The following OTUD4 variants were observed in gnomAD, a reference collection of about 807,000 sequenced individuals.
OTUD4 encodes the protein OTU domain-containing protein 4.
OTUD4 carries 24 observed loss-of-function variants against 130.4 expected under a neutral mutation model. That is an observed-to-expected ratio of 0.18 (90% CI 0.13 to 0.26). The LOEUF is 0.26. Among genes scored for constraint, OTUD4 ranks in the 10% least tolerant of loss-of-function variants. OTUD4 has a pLI of 1.00. For missense variants in OTUD4, 1,031 were observed against 1,329.4 expected (o/e 0.78, Z 3.49); for synonymous variants, 420 against 472.5 (o/e 0.89, Z 1.44).
chr4:145,178,614 G>A (rs1752539020), intron 1 of OTUD4: 1 of 152,182 alleles, frequency 6.6e-6, no homozygotes, highest in Non-Finnish European at 1.5e-5. Flanking sequence ...GGAGCTTTTG[G>A]AAGAATTTTT....
At chr4:145,151,815 C>A (rs36226192) in intron 11 of OTUD4, among the ~76,000 whole-genome samples, 1,837 of 152,150 alleles carry the variant, frequency 0.012, 51 homozygotes, top group African/African-American at 0.041. Context: ...CTAATAAAGC[C>A]CAGCGGCAAC....
In OTUD4 at chr4:145,136,414, C is replaced by G. The variant is rs1324492411; in HGVS notation, c.*1016G>C. The G allele has an allele frequency of 8.1e-6, 1 of 124,026 alleles. No individual in the cohort carries two copies. Among genetic ancestry groups the G allele is most frequent in the Non-Finnish European group, 1.6e-5 (1 of 64,174 alleles). The allele number at this position is 124,026 out of a possible 1,614,324, so 7.7% of individuals were successfully genotyped here. A position where few individuals can be genotyped will look rare whatever the true frequency, so the allele number is the denominator to read the frequency against. ...TTCTATACAATAGTTCCAGCCCTGA[C>G]AAGTAGAACATGCAAGTGTAAAGTG... On this transcript the variant is annotated 3_prime_UTR_variant, in exon 21 of 21. Coordinates refer to ENST00000447906, the MANE Select transcript of OTUD4 (RefSeq NM_001366057.1).
In OTUD4 at chr4:145,137,491, G is replaced by A. The variant is rs750699502; in HGVS notation, c.3284C>T (p.Pro1095Leu). The change falls in exon 21 of 21, where the codon CCA becomes CTA. Residue 1095 changes from proline (P) to leucine (L), a missense_variant. Physicochemically the swap from Pro to Leu is moderately conservative, Grantham distance 98 (BLOSUM62 -3). Around this residue, in one of 3 missense-constraint regions of OTUD4, gnomAD observed 900 missense variants for 1,095.9 expected, o/e 0.82. Coordinates refer to ENST00000447906, the MANE Select transcript of OTUD4 (RefSeq NM_001366057.1). ...YQYHRNVRGR[P>L]FRGDRRRSGM... Reference sequence around the variant, plus strand: ...TGATCTCCTCCTATCTCCCCTAAATGGTCGCCCTCTGACATTTCGATGGTA... The same window carrying A: ...TGATCTCCTCCTATCTCCCCTAAATAGTCGCCCTCTGACATTTCGATGGTA... The A allele has an allele frequency of 5.6e-6, 9 of 1,612,342 alleles. No individual in the cohort carries two copies. Among genetic ancestry groups the A allele is most frequent in the Non-Finnish European group, 2.5e-6 (3 of 1,178,884 alleles).
intron 6 of OTUD4, among the ~76,000 whole-genome samples, chr4:145,161,733 C>T (rs548526053): frequency 6.6e-6 from 1 of 152,326 alleles, no homozygotes; most frequent in African/African-American, 2.4e-5. Context: ...AGAGAGCCTA[C>T]AACAGAGGAG....
intron 2 of OTUD4, 128 bp from the exon 3 acceptor site, chr4:145,171,848 T>C: frequency 1.5e-6 from 1 of 645,778 alleles, no homozygotes; most frequent in Non-Finnish European, 2.8e-6. Flanking sequence ...TCAGTATTAT[T>C]TAAAAATATG....
intron 13 of OTUD4, among the ~76,000 whole-genome samples, chr4:145,147,367 G>T (rs544547686): frequency 6.6e-6 from 1 of 151,982 alleles, no homozygotes; most frequent in South Asian, 2.1e-4. Context: ...GATGAAAAAA[G>T]GGAGGGATAG....
chr4:145,139,075 A>G (rs1750433626), intron 20 of OTUD4, among the ~76,000 whole-genome samples: 2 of 152,198 alleles, frequency 1.3e-5, no homozygotes, highest in South Asian at 4.1e-4. Flanking sequence ...GGAGCCCCCA[A>G]GAGTACTCCG....
At chr4:145,177,734 TA>T (rs1174660950) in intron 1 of OTUD4, among the ~76,000 whole-genome samples, 1 of 152,230 alleles carries the variant, frequency 6.6e-6, no homozygotes, top group Non-Finnish European at 1.5e-5. Flanking sequence ...ATGGCCTATC[TA>T]AATCAGATAA....
intron 3 of OTUD4, among the ~76,000 whole-genome samples, chr4:145,167,833 G>C (rs906379103): frequency 1.6e-4 from 24 of 152,134 alleles, no homozygotes; most frequent in Admixed American, 3.9e-4. Context: ...ACTCCAGCCT[G>C]CGTATTAAGA....
intron 2 of OTUD4, among the ~76,000 whole-genome samples, chr4:145,173,006 T>A (rs1291938465): frequency 6.6e-6 from 1 of 152,208 alleles, no homozygotes; most frequent in Non-Finnish European, 1.5e-5. Flanking sequence ...CTCTTTCCAA[T>A]TCTGGACAAC....
rs555357570 is a variant in OTUD4 at position 145,178,927 on chromosome 4, C to G, written c.159+888G>C. ...GAGCAGGTCCTAGGTCAAAGGAAAG[C>G]ACATGTGAATCGTCTGAAAGACACA... On this transcript the variant is annotated intron_variant, in intron 1 of 20. Coordinates refer to ENST00000447906, the MANE Select transcript of OTUD4 (RefSeq NM_001366057.1). Among the ~76,000 whole-genome samples, 12 of 152,176 alleles carry G rather than the reference C, an allele frequency of 7.9e-5. No homozygotes were observed. In the South Asian group the frequency reaches 2.5e-3, roughly 32 times the overall value.
chr4:145,137,891 G>A lies in OTUD4; in HGVS notation c.2884C>T (p.His962Tyr), dbSNP rs144738019. Residue 962 changes from histidine (H) to tyrosine (Y), a missense_variant, in exon 21 of 21, where the codon CAT (histidine) becomes TAT (tyrosine). His to Tyr is a moderately conservative substitution (Grantham distance 83, BLOSUM62 2). Around this residue, in one of 3 missense-constraint regions of OTUD4, gnomAD observed 900 missense variants for 1,095.9 expected, o/e 0.82. Coordinates refer to ENST00000447906, the MANE Select transcript of OTUD4 (RefSeq NM_001366057.1). ...CTGTTTAGAATCTGAGTGGGAGGAT[G>A]AGCCTTTCCCTCTGCTACAGGAGGG... ...SIPPVAEGKA[H>Y]PPTQILNRER... The A allele has an allele frequency of 4.0e-5, 64 of 1,614,108 alleles. No homozygotes were observed. The African/African-American group carries it at 6.5e-4, about 16-fold the overall frequency.
rs1413123199 is a variant in OTUD4, at chr4:145,135,053, C to A, written c.*2377G>T. 2 of 394,102 alleles carry A rather than the reference C, an allele frequency of 5.1e-6. No individual in the cohort carries two copies. Among genetic ancestry groups the A allele is most frequent in the Non-Finnish European group, 8.9e-6 (2 of 223,574 alleles). The allele number at this position is 394,102 out of a possible 1,614,324, so 24.4% of individuals were successfully genotyped here. A position where few individuals can be genotyped will look rare whatever the true frequency, so the allele number is the denominator to read the frequency against. On this transcript the variant is annotated 3_prime_UTR_variant, in exon 21 of 21. Coordinates refer to ENST00000447906, the MANE Select transcript of OTUD4 (RefSeq NM_001366057.1). ...GTTTGACCTCAGCATAAGGCAAAAT[C>A]CCCTGGACTAATACATTTAAAAACA...
chr4:145,150,741 T>C (rs1751030813), intron 12 of OTUD4, 42 bp from the exon 13 acceptor site: 2 of 1,607,706 alleles, frequency 1.2e-6, no homozygotes, highest in East Asian at 4.5e-5. Context: ...ATTCATATTA[T>C]AAACAATCCC....
In OTUD4 at chr4:145,134,450, C is replaced by A. The variant is rs897409608; in HGVS notation, c.*2980G>T. On this transcript the variant is annotated 3_prime_UTR_variant, in exon 21 of 21. Transcript: ENST00000447906. ...TAGGATGGCTGAATGTTTTCTAAAC[C>A]AGAAATGGTTAGAAAGGAACTTTAT... 5.8e-5 allele frequency: 21 copies of A among 362,778 alleles called. No individual in the cohort carries two copies. Among genetic ancestry groups the A allele is most frequent in the Non-Finnish European group, 1.0e-4 (21 of 203,964 alleles). 22.5% of individuals were successfully genotyped at this position (362,778 alleles called of 1,614,324 possible).
intron 1 of OTUD4, 25 bp downstream of exon 1, chr4:145,179,786 CGAAG>C: frequency 7.1e-7 from 1 of 1,407,752 alleles, no homozygotes; most frequent in South Asian, 1.3e-5. Flanking sequence ...CGCCTCCCCT[CGAAG>C]CCCTCCCCGC....
chr4:145,138,943 T>C (rs1370985883), intron 20 of OTUD4, among the ~76,000 whole-genome samples: 3 of 152,204 alleles, frequency 2.0e-5, no homozygotes, highest in Non-Finnish European at 4.4e-5. Flanking sequence ...TGCATTCACA[T>C]TCGGGCTCTA....
chr4:145,155,640 T>C lies in OTUD4; in HGVS notation c.737A>G (p.Lys246Arg), dbSNP rs762240451. The change falls in exon 9 of 21, where the codon AAG becomes AGG. Residue 246 changes from lysine (K) to arginine (R), a missense_variant. By Grantham distance (26) the Lys-to-Arg change is conservative. Around this residue, in one of 3 missense-constraint regions of OTUD4, gnomAD observed 900 missense variants for 1,095.9 expected, o/e 0.82. Transcript: ENST00000447906. ...GNSTSLPLSR[K>R]VLKSLNPAVY... ...TGCAGGATTGAGTGACTTAAGAACC[T>C]TTCTAGACAAAGGCAGGCTAGTAGA... 1.2e-6 allele frequency: 2 copies of C among 1,612,968 alleles called. No individual in the cohort carries two copies. The highest frequency in any genetic ancestry group is 1.7e-6 in the Non-Finnish European group (2 of 1,179,540).
chr4:145,153,637 G>A (rs1347808815), intron 10 of OTUD4, among the ~76,000 whole-genome samples: 1 of 152,172 alleles, frequency 6.6e-6, no homozygotes, highest in Non-Finnish European at 1.5e-5. Flanking sequence ...TTACGCAGTT[G>A]TAAATCCATG....
Sources: allele counts gnomAD v4.1 joint callset (sites outside exome capture counted in the v4.1 genomes callset), GRCh38; gene constraint gnomAD v4.1.1; regional missense constraint gnomAD v4.1.1; transcripts MANE v1.5; gene names NCBI Gene and HGNC (gene_info 2026-07-23, HGNC 2026-07-21).